The following GALNT13 variants were observed in gnomAD, a reference collection of about 807,000 sequenced individuals.
GALNT13 encodes polypeptide N-acetylgalactosaminyltransferase 13, also known as UDP-GalNAc:polypeptide N-acetylgalactosaminyltransferase 13.
GALNT13 carries 28 observed loss-of-function variants against 64.2 expected under a neutral mutation model. The ratio of observed to expected loss-of-function variants is 0.44; its 90% CI spans 0.32 to 0.60. The LOEUF (loss-of-function observed/expected upper bound fraction) is 0.60, where lower values mean the gene tolerates loss of function less well. GALNT13 is among the 20% of genes least tolerant of loss of function. GALNT13 has a pLI of 0.05. For missense variants in GALNT13, 577 were observed against 669.8 expected, an observed-to-expected ratio of 0.86 and a Z score of 1.53; for synonymous variants, 214 against 224.6, an observed-to-expected ratio of 0.95 and a Z score of 0.42.
chr2:154,008,749 C>G (rs1696426483), intron 3 of GALNT13, among the ~76,000 whole-genome samples: 1 of 152,126 alleles, frequency 6.6e-6, no homozygotes, highest in Non-Finnish European at 1.5e-5. Context: ...CATGTTGCTG[C>G]AAAGGACTTG....
At chr2:153,099,769 G>T in the GALNT13 span, among the ~76,000 whole-genome samples, 1 of 152,140 alleles carries the variant, frequency 6.6e-6, no homozygotes, top group Admixed American at 6.5e-5. Context: ...CATAATACGT[G>T]TTGTGCATTA....
intron 8 of GALNT13, among the ~76,000 whole-genome samples, chr2:154,295,520 T>A (rs1278672793): frequency 2.0e-5 from 3 of 151,742 alleles, no homozygotes; most frequent in African/African-American, 7.3e-5. Context: ...CCCACCACCA[T>A]GTGCCCAGCT....
chr2:154,314,699 T>C (rs1299106640), intron 9 of GALNT13, among the ~76,000 whole-genome samples: 1 of 152,074 alleles, frequency 6.6e-6, no homozygotes, highest in Admixed American at 6.6e-5. Flanking sequence ...TTTTAACAAC[T>C]AGCTCTCAGG....
the GALNT13 span, among the ~76,000 whole-genome samples, chr2:153,196,203 G>A: frequency 6.6e-6 from 1 of 152,068 alleles, no homozygotes; most frequent in African/African-American, 2.4e-5. Flanking sequence ...GGACCCACCT[G>A]TTTCCGCCCA....
At chr2:154,414,438 C>T (rs1156593831) in intron 11 of GALNT13, among the ~76,000 whole-genome samples, 4 of 151,896 alleles carry the variant, frequency 2.6e-5, no homozygotes, top group Non-Finnish European at 5.9e-5. Flanking sequence ...TTTATAGTCA[C>T]TGTATTTGCA....
At chr2:154,448,008 A>C (rs1701681685) in intron 12 of GALNT13, among the ~76,000 whole-genome samples, 1 of 152,000 alleles carries the variant, frequency 6.6e-6, no homozygotes. Context: ...AGCAGTTCTT[A>C]CAGCCTTCTT....
At chr2:154,311,360 C>T (rs993419714) in intron 9 of GALNT13, among the ~76,000 whole-genome samples, 2 of 152,008 alleles carry the variant, frequency 1.3e-5, no homozygotes, top group African/African-American at 2.4e-5. Flanking sequence ...TAAAGCTGGG[C>T]GTCCAGGGGA....
chr2:153,480,572 G>A, the GALNT13 span, among the ~76,000 whole-genome samples: 1 of 151,984 alleles, frequency 6.6e-6, no homozygotes, highest in Non-Finnish European at 1.5e-5. Flanking sequence ...ATTAATAATT[G>A]ATAAGTAAGA....
At chr2:154,404,380 A>C (rs1372166399) in intron 10 of GALNT13, among the ~76,000 whole-genome samples, 1 of 152,200 alleles carries the variant, frequency 6.6e-6, no homozygotes, top group Non-Finnish European at 1.5e-5. Flanking sequence ...CAAAACTTAA[A>C]AGAATGATAA....
At chr2:153,723,970 G>T in the GALNT13 span, among the ~76,000 whole-genome samples, 20 of 149,748 alleles carry the variant, frequency 1.3e-4, no homozygotes, top group Admixed American at 5.3e-4. Flanking sequence ...AGTTCATATG[G>T]AACCAAAAAA....
At chr2:153,224,288 G>T in the GALNT13 span, among the ~76,000 whole-genome samples, 13 of 150,990 alleles carry the variant, frequency 8.6e-5, no homozygotes, top group South Asian at 2.5e-3. Context: ...ATACAGATGG[G>T]AACAATAGAC....
intron 4 of GALNT13, among the ~76,000 whole-genome samples, chr2:154,188,996 T>A (rs1686414575): frequency 6.6e-6 from 1 of 152,144 alleles, no homozygotes; most frequent in African/African-American, 2.4e-5. Context: ...TGCCTCAGTT[T>A]CCTAACATAA....
chr2:153,294,700 T>C, the GALNT13 span, among the ~76,000 whole-genome samples: 4 of 152,130 alleles, frequency 2.6e-5, no homozygotes, highest in Non-Finnish European at 5.9e-5. Context: ...ACTACAGGAT[T>C]GAATAGATGT....
At chr2:154,171,609 A>T (rs1481711418) in intron 4 of GALNT13, among the ~76,000 whole-genome samples, 1 of 152,096 alleles carries the variant, frequency 6.6e-6, no homozygotes, top group Non-Finnish European at 1.5e-5. Flanking sequence ...CTCTAAAGTG[A>T]ATGATTTGTC....
At chr2:153,721,092 A>G in the GALNT13 span, among the ~76,000 whole-genome samples, 1 of 149,090 alleles carries the variant, frequency 6.7e-6, no homozygotes. Context: ...AGGGAAGCCC[A>G]TCAGACTAAC....
chr2:154,288,403 C>T (rs1236525832), intron 8 of GALNT13, among the ~76,000 whole-genome samples: 2 of 152,096 alleles, frequency 1.3e-5, no homozygotes, highest in African/African-American at 4.8e-5. Context: ...CATGTCCTCA[C>T]ATTTCAAAAC....
At chr2:154,101,566 G>T (rs893868980) in intron 3 of GALNT13, among the ~76,000 whole-genome samples, 1 of 151,884 alleles carries the variant, frequency 6.6e-6, no homozygotes, top group African/African-American at 2.4e-5. Context: ...AATCTAGCTT[G>T]TAGTCTATTG....
At chr2:153,747,656 G>C in the GALNT13 span, among the ~76,000 whole-genome samples, 2 of 151,996 alleles carry the variant, frequency 1.3e-5, no homozygotes, top group East Asian at 3.9e-4. Flanking sequence ...TTGAACTCCT[G>C]ACCTCAGGTG....
rs537041547 is a variant in GALNT13, at chr2:154,258,630, T to TA, written c.858-386dup. 3.3e-4 allele frequency among the ~76,000 whole-genome samples: 50 copies of TA among 152,200 alleles called. No individual in the cohort carries two copies. In the East Asian group the frequency reaches 8.9e-3, roughly 27 times the overall value. ...TGTCCACAGATTTCTAGAGTTTACA[T>TA]AAAAATGATTTACATTATGTGACCT... On this transcript the variant is annotated intron_variant, in intron 7 of 12. Coordinates refer to ENST00000392825, the MANE Select transcript of GALNT13 (RefSeq NM_052917.4).
Sources: gnomAD v4.1 joint callset for allele counts (sites outside exome capture counted in the v4.1 genomes callset) on GRCh38, gnomAD v4.1.1 for gene constraint, MANE v1.5 for transcripts, NCBI Gene and HGNC (gene_info 2026-07-23, HGNC 2026-07-21) for gene names.